ZNF536: variants seen among roughly 807,000 people sequenced by gnomAD.
ZNF536 encodes the protein zinc finger protein 536.
Under a neutral mutation model 84.5 loss-of-function variants are expected in ZNF536, and 13 were observed. That is an observed-to-expected ratio of 0.15 (90% confidence interval 0.10 to 0.24). The LOEUF (loss-of-function observed/expected upper bound fraction) is 0.24. Ranked by LOEUF, ZNF536 falls within the 10% of genes least tolerant of loss-of-function variation. The pLI is 1.00. For synonymous variants in ZNF536, 811 were observed against 742.5 expected, an observed-to-expected ratio of 1.09 and a Z score of -1.50; for missense variants, 1,536 against 1,747.5, an observed-to-expected ratio of 0.88 and a Z score of 2.16.
intron 1 of ZNF536, among the ~76,000 whole-genome samples, chr19:30,393,418 G>A (rs560720620): frequency 5.3e-5 from 8 of 152,186 alleles, no homozygotes; most frequent in Non-Finnish European, 1.0e-4. Flanking sequence ...ACTGTGCCCT[G>A]CAGATAGGAT....
chr19:30,643,895 G>A (rs2049362395), intron 1 of ZNF536, among the ~76,000 whole-genome samples: 1 of 152,200 alleles, frequency 6.6e-6, no homozygotes, highest in Non-Finnish European at 1.5e-5. Context: ...AGAAAGCAAA[G>A]TAGAAATTCC....
chr19:30,334,607 C>G (rs1226026766), intron 2 of ZNF536, among the ~76,000 whole-genome samples: 4 of 152,176 alleles, frequency 2.6e-5, no homozygotes, highest in African/African-American at 4.8e-5. Context: ...TTCCCCTTTA[C>G]TTGAATATAT....
intron 1 of ZNF536, among the ~76,000 whole-genome samples, chr19:30,699,890 T>C (rs1250984218): frequency 6.6e-6 from 1 of 152,220 alleles, no homozygotes; most frequent in Non-Finnish European, 1.5e-5. Context: ...CATGAACCTG[T>C]TGTACCACCA....
chr19:30,350,009 T>C (rs550064265), intron 2 of ZNF536, among the ~76,000 whole-genome samples: 6 of 152,246 alleles, frequency 3.9e-5, no homozygotes, highest in African/African-American at 9.6e-5. Context: ...GTTTTTTTTT[T>C]CTATTCATTT....
chr19:30,516,552 T>C (rs1197638878), intron 2 of ZNF536, among the ~76,000 whole-genome samples: 2 of 152,200 alleles, frequency 1.3e-5, no homozygotes, highest in Non-Finnish European at 2.9e-5. Context: ...CTGGAGGAGA[T>C]GATAATGGCG....
chr19:30,330,536 GA>G (rs1194444270), intron 2 of ZNF536, among the ~76,000 whole-genome samples: 3 of 152,184 alleles, frequency 2.0e-5, no homozygotes, highest in African/African-American at 7.2e-5. Flanking sequence ...AGTGGATTTA[GA>G]AAAGGTTACA....
intron 1 of ZNF536, among the ~76,000 whole-genome samples, chr19:30,593,622 C>T (rs1363094466): frequency 1.3e-5 from 2 of 152,220 alleles, no homozygotes; most frequent in Non-Finnish European, 2.9e-5. Flanking sequence ...TCTGACCCCA[C>T]CTGGCAAGAG....
At chr19:30,494,403 A>G (rs1167091916) in intron 2 of ZNF536, among the ~76,000 whole-genome samples, 1 of 152,158 alleles carries the variant, frequency 6.6e-6, no homozygotes, top group Non-Finnish European at 1.5e-5. Flanking sequence ...TCCTTTTACA[A>G]CTTGCATTTT....
intron 2 of ZNF536, among the ~76,000 whole-genome samples, chr19:30,494,487 G>T (rs1350449023): frequency 6.6e-6 from 1 of 152,194 alleles, no homozygotes; most frequent in Non-Finnish European, 1.5e-5. Flanking sequence ...GACTTCCAAT[G>T]TGCAGGCAGT....
intron 1 of ZNF536, among the ~76,000 whole-genome samples, chr19:30,240,241 C>T (rs141259558): frequency 0.021 from 3,194 of 152,068 alleles, 97 homozygotes; most frequent in African/African-American, 0.073. Flanking sequence ...GGCATGGTGG[C>T]GGGTGCCTGT....
chr19:30,652,927 G>A (rs1217874944), intron 1 of ZNF536, among the ~76,000 whole-genome samples: 16 of 152,174 alleles, frequency 1.1e-4, no homozygotes, highest in Non-Finnish European at 2.4e-4. Context: ...AGTGGAAGCT[G>A]TAACACCAAG....
chr19:30,313,301 G>T (rs1182030721), intron 2 of ZNF536, among the ~76,000 whole-genome samples: 1 of 152,202 alleles, frequency 6.6e-6, no homozygotes, highest in Admixed American at 6.5e-5. Flanking sequence ...GACACAGCTG[G>T]CCCTGCCTGG....
chr19:30,465,961 A>G lies in ZNF536; in HGVS notation c.2170+20229A>G, dbSNP rs568394152. On this transcript the variant is annotated intron_variant, in intron 2 of 4. Coordinates refer to ENST00000355537, the MANE Select transcript of ZNF536 (RefSeq NM_014717.3). ...GAGATGGGGTTTCACCGCATTAGCCAGGATGGTCTCGATCTCCTGACCTTG... is the reference window on the plus strand; with the variant it reads ...GAGATGGGGTTTCACCGCATTAGCCGGGATGGTCTCGATCTCCTGACCTTG... 1.6e-4 allele frequency among the ~76,000 whole-genome samples: 25 copies of G among 152,146 alleles called. No individual in the cohort carries two copies. The East Asian group carries it at 4.1e-3, about 25-fold the overall frequency.
At chr19:30,360,690 G>C (rs889816314) in intron 3 of ZNF536, among the ~76,000 whole-genome samples, 6 of 152,194 alleles carry the variant, frequency 3.9e-5, no homozygotes, top group African/African-American at 1.4e-4. Context: ...GGGGACTCGG[G>C]GTCCGACTTC....
At chr19:30,265,546 C>T (rs2025465368) in intron 1 of ZNF536, among the ~76,000 whole-genome samples, 1 of 152,174 alleles carries the variant, frequency 6.6e-6, no homozygotes, top group African/African-American at 2.4e-5. Context: ...CCCGCATCTC[C>T]CTCTGCACAG....
intron 2 of ZNF536, among the ~76,000 whole-genome samples, chr19:30,525,279 C>A (rs1204119105): frequency 2.0e-5 from 3 of 152,214 alleles, no homozygotes; most frequent in Non-Finnish European, 2.9e-5. Context: ...CCAGCACCTG[C>A]ATGCGCTGAA....
At chr19:30,336,406 G>A (rs1476133014) in intron 2 of ZNF536, among the ~76,000 whole-genome samples, 1 of 152,182 alleles carries the variant, frequency 6.6e-6, no homozygotes, top group East Asian at 1.9e-4. Context: ...AATGCTGTTG[G>A]ACAGGACAAG....
chr19:30,617,131 A>AT (rs929724351), intron 1 of ZNF536, among the ~76,000 whole-genome samples: 61 of 144,598 alleles, frequency 4.2e-4, no homozygotes, highest in African/African-American at 8.6e-4. Flanking sequence ...TTTTATTTTT[A>AT]TTTTTTTTTT....
intron 1 of ZNF536, among the ~76,000 whole-genome samples, chr19:30,402,807 A>ATATATC: frequency 7.2e-6 from 1 of 139,636 alleles, no homozygotes; most frequent in Non-Finnish European, 1.6e-5. Context: ...ATATATATAT[A>ATATATC]TATATATATA....
Sources: gnomAD v4.1 joint callset for allele counts (sites outside exome capture counted in the v4.1 genomes callset) on GRCh38, gnomAD v4.1.1 for gene constraint, MANE v1.5 for transcripts, NCBI Gene and HGNC (gene_info 2026-07-23, HGNC 2026-07-21) for gene names.